Variants in CLSTN2 observed in about 807,000 individuals in gnomAD.
CLSTN2 encodes calsyntenin-2.
CLSTN2 carries 48 observed loss-of-function variants against 101.2 expected under a neutral mutation model. The ratio of observed to expected loss-of-function variants is 0.47; its 90% CI spans 0.38 to 0.60. The LOEUF (loss-of-function observed/expected upper bound fraction) is 0.60. Among genes scored for constraint, CLSTN2 ranks in the 20% least tolerant of loss-of-function variants. The pLI, the probability that CLSTN2 is intolerant of heterozygous loss-of-function variation, is 0.00. For missense variants in CLSTN2, 1,160 were observed against 1,238.2 expected (o/e 0.94, Z 0.95); for synonymous variants, 481 against 463.6 (o/e 1.04, Z -0.48).
rs556356528 is a variant in CLSTN2 at position 140,521,424 on chromosome 3, G to GT, written c.1345-10895dup. On this transcript the variant is annotated intron_variant, in intron 8 of 16. Coordinates refer to ENST00000458420, the MANE Select transcript of CLSTN2 (RefSeq NM_022131.3). ...TCTGCTCCAGACCCTAGTTGCCTCAGTTTTTCCTGTACCTGGATGTATCAC... is the reference window on the plus strand; with the variant it reads ...TCTGCTCCAGACCCTAGTTGCCTCAGTTTTTTCCTGTACCTGGATGTATCAC... 2.1e-3 allele frequency among the ~76,000 whole-genome samples: 315 copies of GT among 152,256 alleles called. 3 individuals are homozygous for GT. The highest frequency in any genetic ancestry group is 6.1e-3 in the African/African-American group (255 of 41,542).
intron 2 of CLSTN2, among the ~76,000 whole-genome samples, chr3:140,376,569 T>C (rs573324537): frequency 6.6e-6 from 1 of 152,344 alleles, no homozygotes; most frequent in South Asian, 2.1e-4. Flanking sequence ...TTCTGATAGG[T>C]AAACTCTACA....
intron 2 of CLSTN2, among the ~76,000 whole-genome samples, chr3:140,307,469 C>T (rs542667582): frequency 5.3e-5 from 8 of 152,138 alleles, no homozygotes; most frequent in African/African-American, 1.9e-4. Flanking sequence ...TCATTCTACA[C>T]AAACAAAAAA....
In CLSTN2 at chr3:140,271,167, C is replaced by T. The variant is rs140323553; in HGVS notation, c.232+95094C>T. Reference sequence around the variant, plus strand: ...AATGGATTTAGAGCACCATTGCATTCGGTGACCATTCATCTCAAAATCTCT... The same window carrying T: ...AATGGATTTAGAGCACCATTGCATTTGGTGACCATTCATCTCAAAATCTCT... On this transcript the variant is annotated intron_variant, in intron 2 of 16. Transcript: ENST00000458420. Among the ~76,000 whole-genome samples the T allele has an allele frequency of 1.1e-3, 174 of 152,152 alleles. 1 individual carries two copies. Among genetic ancestry groups the T allele is most frequent in the African/African-American group, 3.9e-3 (161 of 41,510 alleles).
chr3:140,108,148 A>C (rs2009094360), intron 1 of CLSTN2, among the ~76,000 whole-genome samples: 2 of 152,242 alleles, frequency 1.3e-5, no homozygotes, highest in Admixed American at 1.3e-4. Flanking sequence ...TTATCTACTC[A>C]TCCAGTGGTT....
chr3:140,241,524 C>A (rs542384120), intron 2 of CLSTN2, among the ~76,000 whole-genome samples: 2 of 152,254 alleles, frequency 1.3e-5, no homozygotes, highest in South Asian at 4.1e-4. Context: ...TGACTCATGT[C>A]CTGTAACTGT....
In CLSTN2 at chr3:140,181,204, T is replaced by C. The variant is rs77135376; in HGVS notation, c.232+5131T>C. Among the ~76,000 whole-genome samples, 574 of 152,306 alleles carry C rather than the reference T, an allele frequency of 3.8e-3. 11 individuals carry two copies. The highest frequency in any genetic ancestry group is 0.027 in the East Asian group (142 of 5,176). ...CTTATATTTAAAATGGGGGTAATCA[T>C]AGTACCCACTCCTGGTGTTAATATG... is the stretch of plus-strand genomic sequence containing the variant. On this transcript the variant is annotated intron_variant, in intron 2 of 16. Coordinates refer to ENST00000458420, the MANE Select transcript of CLSTN2 (RefSeq NM_022131.3).
intron 1 of CLSTN2, among the ~76,000 whole-genome samples, chr3:140,127,049 T>C (rs183710296): frequency 6.6e-6 from 1 of 152,110 alleles, no homozygotes; most frequent in East Asian, 1.9e-4. Context: ...TGTCATTATA[T>C]GTATCATATG....
At chr3:140,432,083 G>A (rs1216594079) in intron 5 of CLSTN2, among the ~76,000 whole-genome samples, 1 of 152,172 alleles carries the variant, frequency 6.6e-6, no homozygotes, top group Non-Finnish European at 1.5e-5. Flanking sequence ...TCATGTCCTG[G>A]ATTTTTGTAC....
In CLSTN2 at chr3:140,459,624, C is replaced by T. The variant is rs369133728; in HGVS notation, c.1077C>T (p.Asp359=). The T allele has an allele frequency of 1.0e-4, 161 of 1,614,144 alleles. 1 individual carries two copies. The highest frequency in any genetic ancestry group is 1.7e-4 in the Admixed American group (10 of 60,028). ...GCAGTGAGATGATCTTCAAGTTTGACGGCAGGCAGGGTGCCAAAGTCCCCG... is the reference window on the plus strand; with the variant it reads ...GCAGTGAGATGATCTTCAAGTTTGATGGCAGGCAGGGTGCCAAAGTCCCCG... The part of the protein sequence containing the change: ...VDSSEMIFKF[D]GRQGAKVPDG... Residue 359 remains aspartate (D), a synonymous_variant, in exon 7 of 17, where the codon GAC becomes GAT. Transcript: ENST00000458420.
At chr3:140,563,001 T>C (rs1576379289) in intron 14 of CLSTN2, 45 bp downstream of exon 14, 2 of 1,612,106 alleles carry the variant, frequency 1.2e-6, no homozygotes, top group Non-Finnish European at 1.7e-6. Flanking sequence ...GCTCACCCAT[T>C]CCCTCATTCA....
At chr3:140,101,682 G>C (rs2008968785) in intron 1 of CLSTN2, among the ~76,000 whole-genome samples, 1 of 152,186 alleles carries the variant, frequency 6.6e-6, no homozygotes, top group Non-Finnish European at 1.5e-5. Flanking sequence ...TGCAAAGCTT[G>C]GTGTGGGTTG....
intron 2 of CLSTN2, among the ~76,000 whole-genome samples, chr3:140,241,821 A>G (rs2086470086): frequency 6.7e-6 from 1 of 148,406 alleles, no homozygotes; most frequent in Non-Finnish European, 1.5e-5. Flanking sequence ...ACATATATAT[A>G]TATACACACA....
At chr3:140,012,497 G>A (rs1376508869) in intron 1 of CLSTN2, among the ~76,000 whole-genome samples, 1 of 152,162 alleles carries the variant, frequency 6.6e-6, no homozygotes, top group Non-Finnish European at 1.5e-5. Context: ...AGGGAGTCAG[G>A]ACTGTTGTAG....
intron 1 of CLSTN2, among the ~76,000 whole-genome samples, chr3:140,119,910 G>A (rs2009310577): frequency 6.6e-6 from 1 of 151,798 alleles, no homozygotes; most frequent in South Asian, 2.1e-4. Context: ...GACTCCATGA[G>A]CCTCAGTTTC....
At chr3:140,095,293 A>G (rs1372591313) in intron 1 of CLSTN2, among the ~76,000 whole-genome samples, 2 of 152,204 alleles carry the variant, frequency 1.3e-5, no homozygotes, top group Non-Finnish European at 2.9e-5. Flanking sequence ...TTCAGGAGCT[A>G]CTGTCGTGGG....
intron 2 of CLSTN2, among the ~76,000 whole-genome samples, chr3:140,230,873 T>C (rs1462969610): frequency 6.6e-6 from 1 of 152,140 alleles, no homozygotes; most frequent in Non-Finnish European, 1.5e-5. Context: ...TCCTTCATTA[T>C]ATTTAGGTTT....
At chr3:140,079,397 T>G (rs1393822212) in intron 1 of CLSTN2, among the ~76,000 whole-genome samples, 3 of 152,002 alleles carry the variant, frequency 2.0e-5, no homozygotes, top group Admixed American at 2.0e-4. Context: ...AAGATGACAA[T>G]CTCTAGAAAT....
At chr3:140,320,093 A>C (rs746043844) in intron 2 of CLSTN2, among the ~76,000 whole-genome samples, 2 of 152,196 alleles carry the variant, frequency 1.3e-5, no homozygotes, top group Admixed American at 1.3e-4. Flanking sequence ...ACCACCATGC[A>C]TTGTGGCTTC....
rs763171608 is a variant in CLSTN2, at chr3:140,117,217, G to A, written c.110-58734G>A. On this transcript the variant is annotated intron_variant, in intron 1 of 16. Transcript: ENST00000458420. ...ATGAAGAATGACCTCTACCCTGCCC[G>A]CCGTGGTTGCCTCTCTGCAGCCTCT... Among the ~76,000 whole-genome samples, 7 of 152,238 alleles carry A rather than the reference G, an allele frequency of 4.6e-5. No individual in the cohort carries two copies. The East Asian group carries it at 5.8e-4, about 13-fold the overall frequency.
Sources: gnomAD v4.1 joint callset for allele counts (sites outside exome capture counted in the v4.1 genomes callset) on GRCh38, gnomAD v4.1.1 for gene constraint, MANE v1.5 for transcripts, NCBI Gene and HGNC (gene_info 2026-07-23, HGNC 2026-07-21) for gene names.